The following ITPR2 variants were observed in gnomAD, a reference collection of about 807,000 sequenced individuals.
ITPR2 encodes inositol 1,4,5-trisphosphate-gated calcium channel ITPR2.
A neutral mutation model predicts 317.1 loss-of-function variants in ITPR2; 207 were observed. The observed-to-expected ratio is 0.65, with a 90% CI of 0.58 to 0.73. The LOEUF (loss-of-function observed/expected upper bound fraction) is 0.73, where lower values mean the gene tolerates loss of function less well. ITPR2 is among the 30% of genes least tolerant of loss of function. The pLI, the probability that ITPR2 is intolerant of heterozygous loss-of-function variation, is 0.00. For synonymous variants in ITPR2, 1,156 were observed against 1,149.1 expected (o/e 1.01, Z -0.12); for missense variants, 2,613 against 3,284.0 (o/e 0.80, Z 4.99).
At chr12:26,652,090 T>A (rs1044052210) in intron 21 of ITPR2, among the ~76,000 whole-genome samples, 1 of 152,194 alleles carries the variant, frequency 6.6e-6, no homozygotes, top group Non-Finnish European at 1.5e-5. Flanking sequence ...AACTTTCTCT[T>A]TCTAAGGGTG....
chr12:26,785,463 G>A (rs1472647025), intron 2 of ITPR2, among the ~76,000 whole-genome samples: 7 of 79,888 alleles, frequency 8.8e-5, no homozygotes, highest in African/African-American at 2.4e-4. Flanking sequence ...CGGCCGCCCC[G>A]TCCGGGAGGT....
At chr12:26,828,331 T>C (rs1034398018) in intron 1 of ITPR2, among the ~76,000 whole-genome samples, 52 of 152,152 alleles carry the variant, frequency 3.4e-4, no homozygotes, top group Middle Eastern at 3.2e-3. Context: ...AAATAAAATA[T>C]CTACCAATTG....
In ITPR2 at chr12:26,338,165, T is replaced by C. The variant is rs1298907892; in HGVS notation, c.*1232A>G. On this transcript the variant is annotated 3_prime_UTR_variant, in exon 57 of 57. Coordinates refer to ENST00000381340, the MANE Select transcript of ITPR2 (RefSeq NM_002223.4). Reference sequence around the variant, plus strand: ...CACTTTTTTCCCAACACTTTCATTATCCATATTTTGCTCTGCTATTCCAAA... The same window carrying C: ...CACTTTTTTCCCAACACTTTCATTACCCATATTTTGCTCTGCTATTCCAAA... 6.6e-6 allele frequency: 1 copy of C among 152,538 alleles called. No individual in the cohort carries two copies. The highest frequency in any genetic ancestry group is 6.5e-5 in the Admixed American group (1 of 15,280). The allele number at this position is 152,538 out of a possible 1,614,324, so 9.4% of individuals were successfully genotyped here.
At chr12:26,800,683 A>G (rs966206938) in intron 1 of ITPR2, among the ~76,000 whole-genome samples, 1 of 152,228 alleles carries the variant, frequency 6.6e-6, no homozygotes, top group Non-Finnish European at 1.5e-5. Context: ...TGAAGACAGT[A>G]AATCAGACAC....
intron 45 of ITPR2, among the ~76,000 whole-genome samples, chr12:26,458,641 G>T (rs1328745873): frequency 6.6e-6 from 1 of 152,216 alleles, no homozygotes; most frequent in African/African-American, 2.4e-5. Flanking sequence ...TTAATAAAAT[G>T]AGGGGTGACG....
At chr12:26,661,612 C>T (rs1021136331) in intron 15 of ITPR2, among the ~76,000 whole-genome samples, 51 of 152,236 alleles carry the variant, frequency 3.4e-4, no homozygotes, top group Non-Finnish European at 4.4e-5. Context: ...GGCCTGAGGG[C>T]CCTGGGTAGC....
chr12:26,725,819 A>G (rs1948910289), intron 2 of ITPR2, 54 bp from the exon 3 acceptor site: 4 of 1,184,370 alleles, frequency 3.4e-6, no homozygotes, highest in Non-Finnish European at 3.8e-6. Context: ...AGCATTTCTT[A>G]GATTTCCCTT....
At chr12:26,532,117 T>G (rs1349316898) in intron 37 of ITPR2, among the ~76,000 whole-genome samples, 4 of 152,230 alleles carry the variant, frequency 2.6e-5, no homozygotes, top group African/African-American at 9.6e-5. Context: ...TCATGACAAT[T>G]TATTATTTCA....
At position 26,556,312 on chromosome 12, in the gene ITPR2, C is replaced by T. The variant is rs1204213180; in HGVS notation, c.4885G>A (p.Val1629Ile). Residue 1629 changes from valine (V) to isoleucine (I), a missense_variant, in exon 36 of 57, where the codon GTT (valine) becomes ATT (isoleucine). Coordinates refer to ENST00000381340, the MANE Select transcript of ITPR2 (RefSeq NM_002223.4). ...AGTTCTGGACTGTACAATACATCAA[C>T]CAACACTGAGAATTCAGCCTGCATC... Reference protein sequence around the residue: ...PMMQAEFSVLVDVLYSPELLF... With the variant: ...PMMQAEFSVLIDVLYSPELLF... The T allele has an allele frequency of 6.2e-7, 1 of 1,614,074 alleles. No individual in the cohort carries two copies. The highest frequency in any genetic ancestry group is 8.5e-7 in the Non-Finnish European group (1 of 1,179,960).
intron 34 of ITPR2, among the ~76,000 whole-genome samples, chr12:26,572,647 T>C (rs2137057690): frequency 6.6e-6 from 1 of 152,294 alleles, no homozygotes; most frequent in East Asian, 1.9e-4. Context: ...AAGTGATTGA[T>C]TTGCATTCAG....
At chr12:26,377,356 C>T (rs1426668065) in intron 55 of ITPR2, among the ~76,000 whole-genome samples, 1 of 152,168 alleles carries the variant, frequency 6.6e-6, no homozygotes, top group African/African-American at 2.4e-5. Flanking sequence ...CTAAACCAAG[C>T]CTAGCACCTC....
chr12:26,606,929 AT>A (rs778292300), intron 26 of ITPR2, among the ~76,000 whole-genome samples: 9 of 152,166 alleles, frequency 5.9e-5, no homozygotes, highest in Non-Finnish European at 1.3e-4. Context: ...AGTGAGACCC[AT>A]CTCAATAAAT....
At chr12:26,370,527 T>C (rs112649734) in intron 55 of ITPR2, among the ~76,000 whole-genome samples, 2,131 of 152,350 alleles carry the variant, frequency 0.014, 51 homozygotes, top group African/African-American at 0.048. Flanking sequence ...ACTTACCTGC[T>C]AAAATCTCTT....
At chr12:26,415,545 A>C (rs183393261) in intron 50 of ITPR2, 47 bp from the exon 51 acceptor site, 7 of 1,289,016 alleles carry the variant, frequency 5.4e-6, no homozygotes, top group Non-Finnish European at 7.3e-6. Flanking sequence ...GCATTGGAGG[A>C]AAAGGTGAAC....
intron 48 of ITPR2, among the ~76,000 whole-genome samples, chr12:26,430,389 G>T (rs769808318): frequency 6.6e-6 from 1 of 152,062 alleles, no homozygotes; most frequent in Non-Finnish European, 1.5e-5. Flanking sequence ...TCAGCCTCCC[G>T]AGTAGCTGTC....
intron 39 of ITPR2, 187 bp downstream of exon 39, chr12:26,493,966 T>A (rs1942870827): frequency 2.1e-6 from 1 of 483,374 alleles, no homozygotes; most frequent in East Asian, 3.5e-5. Context: ...TCTGCTTGAC[T>A]GAATAAATTG....
At chr12:26,548,890 G>C (rs1944453474) in intron 37 of ITPR2, among the ~76,000 whole-genome samples, 1 of 152,156 alleles carries the variant, frequency 6.6e-6, no homozygotes, top group East Asian at 1.9e-4. Flanking sequence ...CTCTTGACTA[G>C]CCAAAGTAAA....
intron 13 of ITPR2, among the ~76,000 whole-genome samples, chr12:26,669,745 C>T (rs548167274): frequency 2.0e-4 from 30 of 152,382 alleles, no homozygotes; most frequent in Admixed American, 7.2e-4. Flanking sequence ...CAGTGCGAGG[C>T]ATTGCCTCAC....
chr12:26,558,933 C>T (rs1245817618), intron 35 of ITPR2, among the ~76,000 whole-genome samples: 5 of 152,232 alleles, frequency 3.3e-5, no homozygotes, highest in Admixed American at 3.3e-4. Flanking sequence ...TACTTCCTAT[C>T]TTAGTAAATA....
Sources: gnomAD v4.1 joint callset for allele counts (sites outside exome capture counted in the v4.1 genomes callset) on GRCh38, gnomAD v4.1.1 for gene constraint, MANE v1.5 for transcripts, NCBI Gene and HGNC (gene_info 2026-07-23, HGNC 2026-07-21) for gene names.